Variants in NEDD9 observed in about 807,000 individuals in gnomAD.
The protein encoded by NEDD9 is enhancer of filamentation 1.
NEDD9 carries 26 observed loss-of-function variants against 76.6 expected under a neutral mutation model. The ratio of observed to expected loss-of-function variants is 0.34; its 90% confidence interval spans 0.25 to 0.47. The LOEUF (loss-of-function observed/expected upper bound fraction) is 0.47, where lower values mean the gene tolerates loss of function less well. NEDD9 is among the 20% of genes least tolerant of loss of function. NEDD9 has a pLI of 1.00. For synonymous variants in NEDD9, 392 were observed against 414.2 expected, an observed-to-expected ratio of 0.95 and a Z score of 0.65; for missense variants, 937 against 1,058.5, an observed-to-expected ratio of 0.89 and a Z score of 1.59.
At chr6:11,221,134 G>A (rs1020859538) in intron 1 of NEDD9, among the ~76,000 whole-genome samples, 2 of 152,104 alleles carry the variant, frequency 1.3e-5, no homozygotes, top group African/African-American at 4.8e-5. Context: ...TGTAATCCCA[G>A]CACTTTGGGA....
chr6:11,265,182 T>G (rs926629412), intron 3 of NEDD9, among the ~76,000 whole-genome samples: 1 of 152,250 alleles, frequency 6.6e-6, no homozygotes, highest in African/African-American at 2.4e-5. Context: ...CCTCTCATTA[T>G]TCTAAATGTC....
chr6:11,250,772 C>T (rs1759901175), intron 3 of NEDD9, among the ~76,000 whole-genome samples: 1 of 152,218 alleles, frequency 6.6e-6, no homozygotes, highest in South Asian at 2.1e-4. Flanking sequence ...CACTTGGCCA[C>T]TCCAGGATGT....
At chr6:11,341,570 T>C (rs1186085067) in intron 1 of NEDD9, among the ~76,000 whole-genome samples, 2 of 152,208 alleles carry the variant, frequency 1.3e-5, no homozygotes, top group African/African-American at 4.8e-5. Flanking sequence ...TGGGTGTAAA[T>C]ATGCGAACAT....
chr6:11,250,470 A>G (rs1759896273), intron 3 of NEDD9, among the ~76,000 whole-genome samples: 1 of 152,210 alleles, frequency 6.6e-6, no homozygotes, highest in Non-Finnish European at 1.5e-5. Flanking sequence ...CTTAACACAC[A>G]GCAGGGGAGA....
chr6:11,268,754 C>T (rs921289483), intron 3 of NEDD9, among the ~76,000 whole-genome samples: 12 of 151,842 alleles, frequency 7.9e-5, no homozygotes, highest in African/African-American at 2.9e-4. Flanking sequence ...CAGACACACA[C>T]ACACACACAC....
At chr6:11,248,866 TTGA>T in intron 3 of NEDD9, 1 of 340,480 alleles carries the variant, frequency 2.9e-6, no homozygotes, top group Admixed American at 3.8e-5. Context: ...ATCTGAGGAC[TTGA>T]TGAAGTGTCA....
intron 1 of NEDD9, among the ~76,000 whole-genome samples, chr6:11,372,286 A>G (rs537815742): frequency 6.6e-6 from 1 of 152,354 alleles, no homozygotes; most frequent in East Asian, 1.9e-4. Context: ...TTCACTTAAC[A>G]TAATGACCAC....
At position 11,280,663 on chromosome 6, in the gene NEDD9, C is replaced by T. The variant is rs567687366; in HGVS notation, c.12+25329G>A. ...GACATTTTCCCCTGCCTCTCCCATC[C>T]GTACAAGGCCACTGTGGCTTGGCTA... On this transcript the variant is annotated intron_variant, in intron 3 of 3. Coordinates refer to the NEDD9 transcript ENST00000397378. Among the ~76,000 whole-genome samples, 419 of 152,336 alleles carry T rather than the reference C, an allele frequency of 2.8e-3. 1 individual carries two copies. The highest frequency in any genetic ancestry group is 9.5e-3 in the African/African-American group (396 of 41,576).
At chr6:11,260,954 A>G (rs1481875584) in intron 3 of NEDD9, among the ~76,000 whole-genome samples, 2 of 152,064 alleles carry the variant, frequency 1.3e-5, no homozygotes, top group Admixed American at 6.6e-5. Context: ...TTCATGCTCC[A>G]TAATTCTCCA....
At chr6:11,295,075 C>A (rs543875010) in intron 3 of NEDD9, among the ~76,000 whole-genome samples, 1 of 152,302 alleles carries the variant, frequency 6.6e-6, no homozygotes, top group African/African-American at 2.4e-5. Flanking sequence ...CCTCCCCGGC[C>A]ATGTGGAATG....
intron 2 of NEDD9, among the ~76,000 whole-genome samples, chr6:11,306,611 T>C (rs561424122): frequency 6.6e-6 from 1 of 152,282 alleles, no homozygotes; most frequent in African/African-American, 2.4e-5. Flanking sequence ...ATTTCATTGA[T>C]TGTTTTCTAC....
At chr6:11,331,544 A>C (rs1235825649) in intron 2 of NEDD9, among the ~76,000 whole-genome samples, 2 of 152,198 alleles carry the variant, frequency 1.3e-5, no homozygotes, top group Non-Finnish European at 2.9e-5. Flanking sequence ...GGTTCAAAAA[A>C]TGTTTAAATG....
At chr6:11,196,302 T>TCAAAA (rs1464838868) in intron 2 of NEDD9, among the ~76,000 whole-genome samples, 4 of 151,976 alleles carry the variant, frequency 2.6e-5, no homozygotes, top group Admixed American at 6.5e-5. Context: ...AGACTCTGTC[T>TCAAAA]CAAAACAAAA....
Position 11,185,564 on chromosome 6 carries a change from A to G in NEDD9, c.2103T>C (p.Ser701=), listed in dbSNP as rs768195704. 2.6e-5 allele frequency: 42 copies of G among 1,614,100 alleles called. No homozygotes were observed. The South Asian group carries it at 4.3e-4, about 16-fold the overall frequency. ...AGCACAGCAACTGCCGATCCTGAGC[A>G]CTCACGCCACTGTTTGTGGTGGGTA... is the stretch of plus-strand genomic sequence containing the variant. ...QSLPTTNSGV[S]AQDRQLLCFY... The change falls in exon 7 of 7, where the codon AGT becomes AGC. Residue 701 remains serine (S), a synonymous_variant. Transcript: ENST00000379446.
chr6:11,220,035 T>C (rs994722695), intron 1 of NEDD9, among the ~76,000 whole-genome samples: 1 of 152,210 alleles, frequency 6.6e-6, no homozygotes, highest in Non-Finnish European at 1.5e-5. Flanking sequence ...TGATATAATA[T>C]AAGATATGCT....
chr6:11,244,463 T>C lies in NEDD9; in HGVS notation c.13-30736A>G, dbSNP rs577798170. Reference sequence around the variant, plus strand: ...TCTTTTATTTCTTTCTCCCACCTACTTCCCACATCCAATCAGCTGCCAAGG... The same window carrying C: ...TCTTTTATTTCTTTCTCCCACCTACCTCCCACATCCAATCAGCTGCCAAGG... On this transcript the variant is annotated intron_variant, in intron 3 of 3. Coordinates refer to the NEDD9 transcript ENST00000397378. Among the ~76,000 whole-genome samples, 4 of 152,278 alleles carry C rather than the reference T, an allele frequency of 2.6e-5. No homozygotes were observed. In the South Asian group the frequency reaches 6.2e-4, roughly 24 times the overall value.
intron 2 of NEDD9, among the ~76,000 whole-genome samples, chr6:11,209,629 G>A (rs1268232238): frequency 6.6e-6 from 1 of 152,148 alleles, no homozygotes; most frequent in Non-Finnish European, 1.5e-5. Flanking sequence ...GTATGCTTCT[G>A]TTTAATTCTC....
chr6:11,314,361 T>G (rs1017826311), intron 2 of NEDD9, among the ~76,000 whole-genome samples: 4 of 152,190 alleles, frequency 2.6e-5, no homozygotes, highest in African/African-American at 9.6e-5. Flanking sequence ...GTTAGAATTT[T>G]CAGTGATAGG....
intron 3 of NEDD9, among the ~76,000 whole-genome samples, chr6:11,262,597 G>A (rs553627218): frequency 8.5e-4 from 129 of 152,348 alleles, no homozygotes; most frequent in African/African-American, 3.0e-3. Context: ...CTGTATATCA[G>A]TGTGGCTCCA....
Sources: allele counts gnomAD v4.1 joint callset (sites outside exome capture counted in the v4.1 genomes callset), GRCh38; gene constraint gnomAD v4.1.1; transcripts MANE v1.5; gene names NCBI Gene and HGNC (gene_info 2026-07-23, HGNC 2026-07-21).